The following UBAP1 variants were observed in gnomAD, a reference collection of about 807,000 sequenced individuals.
UBAP1 encodes the protein ubiquitin associated protein 1, also known as ubiquitin-associated protein 1.
Under a neutral mutation model 39.0 loss-of-function variants are expected in UBAP1, and 5 were observed. The observed-to-expected ratio is 0.13, with a 90% CI of 0.07 to 0.27. The LOEUF is 0.27. Ranked by LOEUF, UBAP1 falls within the 10% of genes least tolerant of loss-of-function variation. UBAP1 has a pLI of 1.00. For missense variants in UBAP1, 490 were observed against 608.1 expected, an observed-to-expected ratio of 0.81 and a Z score of 2.04; for synonymous variants, 211 against 225.1, an observed-to-expected ratio of 0.94 and a Z score of 0.56.
intron 1 of UBAP1, among the ~76,000 whole-genome samples, chr9:34,182,994 G>C (rs902533144): frequency 6.6e-6 from 1 of 151,848 alleles, no homozygotes; most frequent in Admixed American, 6.6e-5. Context: ...TAGCCAGGAT[G>C]GTCTCGATTT....
rs758443973 is a variant in UBAP1 at position 34,218,250 on chromosome 9, C to CAAAAAAAA, written c.-7-2621_-7-2614dup. On this transcript the variant is annotated intron_variant, in intron 1 of 6. Coordinates refer to ENST00000297661, the MANE Select transcript of UBAP1 (RefSeq NM_016525.5). ...CTGGTGACAGAGCGAGACTCCATCT[C>CAAAAAAAA]AAAAAAAAAAAAAAAAAAAAAAAAA... 3.8e-4 allele frequency among the ~76,000 whole-genome samples: 19 copies of CAAAAAAAA among 49,524 alleles called. 1 individual carries two copies. The highest frequency in any genetic ancestry group is 1.0e-3 in the African/African-American group (11 of 10,620). 32.5% of individuals were successfully genotyped at this position (49,524 alleles called of 152,430 possible).
intron 4 of UBAP1, among the ~76,000 whole-genome samples, chr9:34,248,318 G>C (rs1834282763): frequency 6.6e-6 from 1 of 152,330 alleles, no homozygotes; most frequent in East Asian, 1.9e-4. Context: ...ACAGGCGTGA[G>C]CCACCGCACC....
intron 2 of UBAP1, among the ~76,000 whole-genome samples, chr9:34,226,127 G>GTGTGTGTGTT (rs1554650826): frequency 8.0e-5 from 11 of 137,332 alleles, no homozygotes; most frequent in Admixed American, 3.9e-4. Context: ...GTGTGTGTGT[G>GTGTGTGTGTT]TGTGTGTGTG....
chr9:34,183,314 C>T (rs1163009738), intron 1 of UBAP1, among the ~76,000 whole-genome samples: 4 of 151,444 alleles, frequency 2.6e-5, no homozygotes, highest in Non-Finnish European at 4.4e-5. Context: ...GGGGCCGAGG[C>T]GGGCGGATCA....
intron 1 of UBAP1, among the ~76,000 whole-genome samples, chr9:34,207,347 CTTAA>C (rs1027009693): frequency 6.7e-6 from 1 of 148,368 alleles, no homozygotes; most frequent in Non-Finnish European, 1.5e-5. Context: ...CGCCTGGCCG[CTTAA>C]TTGTTATTTC....
chr9:34,241,322 T>C lies in UBAP1; in HGVS notation c.297T>C (p.Asp99=), dbSNP rs200899491. The change falls in exon 4 of 7, where the codon GAT becomes GAC. Residue 99 remains aspartate, a synonymous_variant. Transcript: ENST00000297661. ...ATTCTAAGAGTGGCCCAGAGGGCGA[T>C]AGCAAAATGAGCTTCTCCAAGACTC... is the stretch of plus-strand genomic sequence containing the variant. The part of the protein sequence containing the change: ...KVNSKSGPEG[D]SKMSFSKTHS... 32 of 1,516,564 alleles carry C rather than the reference T, an allele frequency of 2.1e-5. No individual in the cohort carries two copies. Among genetic ancestry groups the C allele is most frequent in the East Asian group, 9.1e-5 (4 of 44,066 alleles). The allele number at this position is 1,516,564 out of a possible 1,614,324, so 93.9% of individuals were successfully genotyped here. A position where few individuals can be genotyped will look rare whatever the true frequency, so the allele number is the denominator to read the frequency against.
chr9:34,226,810 T>C (rs765598958), intron 2 of UBAP1, among the ~76,000 whole-genome samples: 6 of 152,216 alleles, frequency 3.9e-5, no homozygotes, highest in Non-Finnish European at 8.8e-5. Context: ...TGCTGATTAT[T>C]GTCTTCGGAT....
rs140956185 is a variant in UBAP1 at position 34,180,783 on chromosome 9, T to C, written c.-8+1543T>C. On this transcript the variant is annotated intron_variant, in intron 1 of 6. Transcript: ENST00000297661. The stretch of plus-strand genomic sequence containing the variant: ...ACTTTACTAACCTGCTAGAACCTCA[T>C]TGGAAAAAAAACTTTTTTTTTTTTT... 4.4e-3 allele frequency among the ~76,000 whole-genome samples: 631 copies of C among 142,712 alleles called. 1 individual carries two copies. Among genetic ancestry groups the C allele is most frequent in the Non-Finnish European group, 7.9e-3 (517 of 65,452 alleles). 93.6% of individuals were successfully genotyped at this position (142,712 alleles called of 152,430 possible).
At chr9:34,238,728 G>T (rs1329773185) in intron 3 of UBAP1, among the ~76,000 whole-genome samples, 2 of 152,090 alleles carry the variant, frequency 1.3e-5, no homozygotes, top group Non-Finnish European at 2.9e-5. Flanking sequence ...TTTTATTTGT[G>T]TAAGAATTTT....
At chr9:34,220,563 T>C (rs1587845661) in intron 1 of UBAP1, 1 of 186,246 alleles carries the variant, frequency 5.4e-6, no homozygotes, top group Non-Finnish European at 1.1e-5. Context: ...TGTGCTCAAG[T>C]GATCCTCCCA....
intron 1 of UBAP1, among the ~76,000 whole-genome samples, chr9:34,216,399 T>A (rs1349143072): frequency 6.6e-6 from 1 of 152,156 alleles, no homozygotes; most frequent in Non-Finnish European, 1.5e-5. Context: ...CAACCGCCAG[T>A]CTGCTTTCAG....
At position 34,220,955 on chromosome 9, in the gene UBAP1, G is replaced by A. The variant is rs1272482969; in HGVS notation, c.34+7G>A. ...TTGGGTGCAGATTTTCATGGTAAGT[G>A]GACTATTAGAATCATGGTTTAAGTT... On this transcript the variant is annotated splice_region_variant and intron_variant, in intron 2 of 6. Transcript: ENST00000297661. 1 of 1,611,388 alleles carries A rather than the reference G, an allele frequency of 6.2e-7. No individual in the cohort carries two copies. Among genetic ancestry groups the A allele is most frequent in the Non-Finnish European group, 8.5e-7 (1 of 1,177,992 alleles).
Position 34,251,475 on chromosome 9 carries a change from C to T in UBAP1, c.1452C>T (p.His484=). ...LKDIKEVLLL[H]NNDQDNALED... ...ACATTAAGGAAGTTTTGCTATTACACAACAATGACCAGGACAATGCTTTGG... is the reference window on the plus strand; with the variant it reads ...ACATTAAGGAAGTTTTGCTATTACATAACAATGACCAGGACAATGCTTTGG... The change falls in exon 7 of 7, where the codon CAC becomes CAT. Residue 484 remains histidine (H), a synonymous_variant. Transcript: ENST00000297661. 1 of 1,614,148 alleles carries T rather than the reference C, an allele frequency of 6.2e-7. No individual in the cohort carries two copies. Among genetic ancestry groups the T allele is most frequent in the Non-Finnish European group, 8.5e-7 (1 of 1,180,004 alleles).
intron 1 of UBAP1, among the ~76,000 whole-genome samples, chr9:34,188,906 G>T (rs1830561776): frequency 6.6e-6 from 1 of 152,084 alleles, no homozygotes; most frequent in Non-Finnish European, 1.5e-5. Context: ...TCGGTGAGCC[G>T]AGATCGTACC....
At chr9:34,185,945 A>G (rs1830386148) in intron 1 of UBAP1, among the ~76,000 whole-genome samples, 1 of 152,250 alleles carries the variant, frequency 6.6e-6, no homozygotes, top group Non-Finnish European at 1.5e-5. Context: ...AGGAAACAGG[A>G]TCACAGAGGT....
intron 1 of UBAP1, among the ~76,000 whole-genome samples, chr9:34,188,644 C>T (rs1230518767): frequency 6.6e-6 from 1 of 151,882 alleles, no homozygotes; most frequent in Non-Finnish European, 1.5e-5. Flanking sequence ...CCTTTAGTAA[C>T]CTATTGGAAA....
chr9:34,188,684 C>T (rs1830549884), intron 1 of UBAP1, among the ~76,000 whole-genome samples: 1 of 152,022 alleles, frequency 6.6e-6, no homozygotes, highest in Non-Finnish European at 1.5e-5. Flanking sequence ...GGGCCGGGTG[C>T]GTTGGCTCAC....
chr9:34,181,913 A>C (rs891277565), intron 1 of UBAP1, among the ~76,000 whole-genome samples: 6 of 150,186 alleles, frequency 4.0e-5, no homozygotes, highest in Non-Finnish European at 5.9e-5. Flanking sequence ...TGAAAAGATA[A>C]TAATAGATCT....
rs1834451150 is a variant in UBAP1, at chr9:34,250,740, A to C, written c.1349A>C (p.His450Pro). The change falls in exon 6 of 7, where the codon CAC (histidine) becomes CCC (proline). Residue 450 changes from histidine to proline, a missense_variant. This residue lies in a region of UBAP1 where 339 missense variants were observed against 390.0 expected (regional missense o/e 0.87). Transcript: ENST00000297661. Reference sequence around the variant, plus strand: ...TTAGTGGAAGAGGCTCTGGAAATGCACCAGTGTTCAGAAGAAAAGGTGGGA... The same window carrying C: ...TTAGTGGAAGAGGCTCTGGAAATGCCCCAGTGTTCAGAAGAAAAGGTGGGA... ...PLLVEEALEMHQCSEEKMMEF... is the reference protein window; with the variant it reads ...PLLVEEALEMPQCSEEKMMEF... 6.2e-7 allele frequency: 1 copy of C among 1,613,270 alleles called. No individual in the cohort carries two copies. The highest frequency in any genetic ancestry group is 8.5e-7 in the Non-Finnish European group (1 of 1,179,438).
Sources: allele counts gnomAD v4.1 joint callset (sites outside exome capture counted in the v4.1 genomes callset), GRCh38; gene constraint gnomAD v4.1.1; regional missense constraint gnomAD v4.1.1; transcripts MANE v1.5; gene names NCBI Gene and HGNC (gene_info 2026-07-23, HGNC 2026-07-21).